Variants in STAC observed in about 807,000 individuals in gnomAD.
The protein encoded by STAC is SH3 and cysteine-rich domain-containing protein.
STAC carries 43 observed loss-of-function variants against 48.8 expected under a neutral mutation model. The ratio of observed to expected loss-of-function variants is 0.88; its 90% confidence interval spans 0.69 to 1.14. The LOEUF (loss-of-function observed/expected upper bound fraction) is 1.14, where lower values mean the gene tolerates loss of function less well. STAC is among the 50% of genes most tolerant of loss of function. STAC has a pLI of 0.00. For synonymous variants in STAC, 193 were observed against 179.5 expected, an observed-to-expected ratio of 1.07 and a Z score of -0.60; for missense variants, 497 against 504.0, an observed-to-expected ratio of 0.99 and a Z score of 0.13.
intron 2 of STAC, among the ~76,000 whole-genome samples, chr3:36,461,317 C>T (rs1163048891): frequency 1.3e-5 from 2 of 152,110 alleles, no homozygotes; most frequent in Non-Finnish European, 1.5e-5. Context: ...TATCAGACAC[C>T]TTTGCATTTT....
intron 2 of STAC, among the ~76,000 whole-genome samples, chr3:36,470,220 TCAAGGG>T (rs1255242591): frequency 1.3e-5 from 2 of 152,360 alleles, no homozygotes; most frequent in Non-Finnish European, 2.9e-5. Flanking sequence ...GATTTAGGAT[TCAAGGG>T]CTGCTGTGAG....
At chr3:36,419,467 A>AGT (rs1385204183) in intron 1 of STAC, among the ~76,000 whole-genome samples, 4 of 152,150 alleles carry the variant, frequency 2.6e-5, no homozygotes, top group Admixed American at 1.3e-4. Flanking sequence ...CAAATTTGTT[A>AGT]GTGTGTGTGT....
chr3:36,546,312 C>T lies in STAC; in HGVS notation c.*23C>T. 1 of 1,602,272 alleles carries T rather than the reference C, an allele frequency of 6.2e-7. No homozygotes were observed. Among genetic ancestry groups the T allele is most frequent in the South Asian group, 1.1e-5 (1 of 90,846 alleles). Reference sequence around the variant, plus strand: ...TGATTGCTGGCTCCTCCTCCGTTTGCAGTAGGCAAGCTCTGCTGCGATGCC... The same window carrying T: ...TGATTGCTGGCTCCTCCTCCGTTTGTAGTAGGCAAGCTCTGCTGCGATGCC... On this transcript the variant is annotated 3_prime_UTR_variant, in exon 11 of 11. Coordinates refer to ENST00000273183, the MANE Select transcript of STAC (RefSeq NM_003149.3).
intron 1 of STAC, among the ~76,000 whole-genome samples, chr3:36,413,058 G>A (rs1049759080): frequency 6.6e-6 from 1 of 152,128 alleles, no homozygotes; most frequent in African/African-American, 2.4e-5. Flanking sequence ...TATAATTTCT[G>A]TTCTTTTACA....
intron 1 of STAC, among the ~76,000 whole-genome samples, chr3:36,434,210 G>A (rs1700773498): frequency 6.6e-6 from 1 of 152,150 alleles, no homozygotes; most frequent in Non-Finnish European, 1.5e-5. Context: ...AAGGGAGCTG[G>A]CTTCGAGAGT....
At chr3:36,505,387 T>C (rs1559517275) in intron 7 of STAC, among the ~76,000 whole-genome samples, 1 of 152,160 alleles carries the variant, frequency 6.6e-6, no homozygotes, top group Non-Finnish European at 1.5e-5. Context: ...AGTTATACAC[T>C]ACTATTCATG....
chr3:36,494,025 G>A (rs1698066588), intron 6 of STAC, among the ~76,000 whole-genome samples: 3 of 151,350 alleles, frequency 2.0e-5, no homozygotes, highest in Admixed American at 2.0e-4. Context: ...GATGGTGGGC[G>A]CCTGTAGTCC....
intron 8 of STAC, among the ~76,000 whole-genome samples, chr3:36,523,718 G>T (rs558369703): frequency 2.6e-5 from 4 of 152,322 alleles, no homozygotes; most frequent in Non-Finnish European, 5.9e-5. Flanking sequence ...AAACAACTGA[G>T]GGCAGAGTCA....
chr3:36,514,401 C>T (rs1698619424), intron 8 of STAC, among the ~76,000 whole-genome samples: 1 of 151,696 alleles, frequency 6.6e-6, no homozygotes, highest in East Asian at 1.9e-4. Flanking sequence ...GGTCAAATTT[C>T]ATTTCCTTGT....
At chr3:36,523,556 C>T (rs1698854655) in intron 8 of STAC, among the ~76,000 whole-genome samples, 1 of 152,196 alleles carries the variant, frequency 6.6e-6, no homozygotes, top group Non-Finnish European at 1.5e-5. Flanking sequence ...AAATTGTAAA[C>T]TCTAGACGTA....
intron 10 of STAC, among the ~76,000 whole-genome samples, chr3:36,545,176 A>G (rs991277100): frequency 1.3e-5 from 2 of 152,176 alleles, no homozygotes; most frequent in Non-Finnish European, 2.9e-5. Flanking sequence ...TCTCTCCTGG[A>G]AGGTTATGCC....
rs188921627 is a variant in STAC at position 36,490,586 on chromosome 3, T to A, written c.688-2565T>A. Among the ~76,000 whole-genome samples, 8 of 152,236 alleles carry A rather than the reference T, an allele frequency of 5.3e-5. No homozygotes were observed. In the East Asian group the frequency reaches 1.6e-3, roughly 30 times the overall value. On this transcript the variant is annotated intron_variant, in intron 5 of 10. Coordinates refer to ENST00000273183, the MANE Select transcript of STAC (RefSeq NM_003149.3). ...CTGAAAAGCCAGCACATAGAGGCAA[T>A]TGCAGAGAGACGGCTCCACAGAGAT...
At chr3:36,472,739 T>C (rs1209232430) in intron 2 of STAC, among the ~76,000 whole-genome samples, 4 of 152,204 alleles carry the variant, frequency 2.6e-5, no homozygotes, top group South Asian at 2.1e-4. Flanking sequence ...CATCTCCACC[T>C]GAGACCACCT....
intron 2 of STAC, among the ~76,000 whole-genome samples, chr3:36,444,242 T>G (rs1027035742): frequency 6.6e-6 from 1 of 152,260 alleles, no homozygotes; most frequent in African/African-American, 2.4e-5. Flanking sequence ...ACTCATTTTC[T>G]TCTTTTAAAT....
At chr3:36,489,519 A>T (rs972131702) in intron 5 of STAC, among the ~76,000 whole-genome samples, 1 of 152,228 alleles carries the variant, frequency 6.6e-6, no homozygotes, top group African/African-American at 2.4e-5. Flanking sequence ...GCCCCGGAGC[A>T]TCCAGTTCAT....
chr3:36,490,945 T>C (rs1214208522), intron 5 of STAC, among the ~76,000 whole-genome samples: 1 of 152,192 alleles, frequency 6.6e-6, no homozygotes, highest in East Asian at 1.9e-4. Flanking sequence ...CCAGTAGATA[T>C]TTGTTGGAGT....
chr3:36,431,103 C>T (rs1700689668), intron 1 of STAC, among the ~76,000 whole-genome samples: 2 of 152,112 alleles, frequency 1.3e-5, no homozygotes, highest in African/African-American at 4.8e-5. Context: ...TTCTGCTGTC[C>T]ATCACTTAAT....
At chr3:36,475,138 T>C (rs1697458437) in intron 2 of STAC, among the ~76,000 whole-genome samples, 1 of 152,196 alleles carries the variant, frequency 6.6e-6, no homozygotes, top group South Asian at 2.1e-4. Flanking sequence ...GGAAAAATCA[T>C]GCTCAGTGGC....
At chr3:36,384,990 G>A (rs1699586664) in intron 1 of STAC, among the ~76,000 whole-genome samples, 1 of 152,100 alleles carries the variant, frequency 6.6e-6, no homozygotes. Context: ...TCTATTCAGG[G>A]AAGAAGATGA....
Sources: gnomAD v4.1 joint callset for allele counts (sites outside exome capture counted in the v4.1 genomes callset) on GRCh38, gnomAD v4.1.1 for gene constraint, MANE v1.5 for transcripts, NCBI Gene and HGNC (gene_info 2026-07-23, HGNC 2026-07-21) for gene names.